The following GRIN2B variants were observed in gnomAD, a reference collection of about 807,000 sequenced individuals.
The protein encoded by GRIN2B is glutamate ionotropic receptor NMDA type subunit 2B.
Under a neutral mutation model 114.5 loss-of-function variants are expected in GRIN2B, and 5 were observed. The observed-to-expected ratio is 0.04, with a 90% CI of 0.02 to 0.09. GRIN2B has a LOEUF of 0.09. GRIN2B is among the 10% of genes least tolerant of loss of function. The pLI, the probability that GRIN2B is intolerant of heterozygous loss-of-function variation, is 1.00. For synonymous variants in GRIN2B, 787 were observed against 745.1 expected, an observed-to-expected ratio of 1.06 and a Z score of -0.92; for missense variants, 1,108 against 1,943.5, an observed-to-expected ratio of 0.57 and a Z score of 8.08.
chr12:13,647,951 G>T (rs1232296576), intron 5 of GRIN2B, among the ~76,000 whole-genome samples: 2 of 152,094 alleles, frequency 1.3e-5, no homozygotes, highest in Non-Finnish European at 2.9e-5. Flanking sequence ...AGCTTGACGA[G>T]TCAGAGAGCA....
intron 10 of GRIN2B, among the ~76,000 whole-genome samples, chr12:13,575,509 A>T (rs1948762634): frequency 6.6e-6 from 1 of 151,978 alleles, no homozygotes; most frequent in African/African-American, 2.4e-5. Flanking sequence ...AAATATAAAA[A>T]TTAGCCGTGC....
rs1948363541 is a variant in GRIN2B at position 13,547,957 on chromosome 12, G to GTGTGTGTGTA, written c.*14825_*14826insTACACACACA. 1 of 74,498 alleles carries GTGTGTGTGTA rather than the reference G, an allele frequency of 1.3e-5. No homozygotes were observed. The highest frequency in any genetic ancestry group is 5.3e-3 in the Middle Eastern group (1 of 190). The allele number at this position is 74,498 out of a possible 1,614,324, so 4.6% of individuals were successfully genotyped here. A position where few individuals can be genotyped will look rare whatever the true frequency, so the allele number is the denominator to read the frequency against. ...TATATGTATGTATGTATGTATGTGT[G>GTGTGTGTGTA]TGTATATATATATATATATATATAT... On this transcript the variant is annotated 3_prime_UTR_variant, in exon 14 of 14. Coordinates refer to ENST00000609686, the MANE Select transcript of GRIN2B (RefSeq NM_000834.5).
chr12:13,623,082 C>A (rs781733342), intron 5 of GRIN2B, among the ~76,000 whole-genome samples: 2 of 152,156 alleles, frequency 1.3e-5, no homozygotes, highest in African/African-American at 4.8e-5. Context: ...GGTATGTATG[C>A]GTGTTTCCTA....
At chr12:13,852,501 C>T (rs571006189) in intron 3 of GRIN2B, among the ~76,000 whole-genome samples, 1 of 152,168 alleles carries the variant, frequency 6.6e-6, no homozygotes, top group South Asian at 2.1e-4. Context: ...GCATAATACA[C>T]CTATCAAAAG....
intron 8 of GRIN2B, among the ~76,000 whole-genome samples, chr12:13,613,708 C>T (rs1283286657): frequency 6.6e-6 from 1 of 152,056 alleles, no homozygotes; most frequent in Non-Finnish European, 1.5e-5. Context: ...ATTCAGTTTC[C>T]TAAGCTATAA....
intron 4 of GRIN2B, among the ~76,000 whole-genome samples, chr12:13,703,632 TC>T (rs1353996197): frequency 6.6e-6 from 1 of 152,216 alleles, no homozygotes; most frequent in East Asian, 1.9e-4. Context: ...AAATTCATAA[TC>T]TTTCATTGAA....
chr12:13,601,944 A>T (rs1949166788), intron 10 of GRIN2B, among the ~76,000 whole-genome samples: 1 of 152,142 alleles, frequency 6.6e-6, no homozygotes, highest in African/African-American at 2.4e-5. Context: ...ATTCTTAAAT[A>T]ATGCCAGATA....
At chr12:13,644,110 AC>A (rs1237595011) in intron 5 of GRIN2B, among the ~76,000 whole-genome samples, 1 of 152,184 alleles carries the variant, frequency 6.6e-6, no homozygotes, top group Non-Finnish European at 1.5e-5. Flanking sequence ...TACTTTGCCT[AC>A]ATCCATCAGA....
intron 3 of GRIN2B, among the ~76,000 whole-genome samples, chr12:13,813,159 C>G (rs955531201): frequency 1.3e-5 from 2 of 151,896 alleles, no homozygotes; most frequent in African/African-American, 4.8e-5. Flanking sequence ...AGGCTGGTCT[C>G]GAACTCCTGA....
At chr12:13,649,987 G>C (rs1382763661) in intron 5 of GRIN2B, among the ~76,000 whole-genome samples, 1 of 152,020 alleles carries the variant, frequency 6.6e-6, no homozygotes, top group Non-Finnish European at 1.5e-5. Context: ...AGAAGCTTCG[G>C]AGGTGTTCAC....
intron 3 of GRIN2B, among the ~76,000 whole-genome samples, chr12:13,774,727 A>G (rs1863971113): frequency 6.6e-6 from 1 of 152,178 alleles, no homozygotes; most frequent in African/African-American, 2.4e-5. Context: ...AACGCATAAC[A>G]TGCGTTCAAT....
chr12:13,934,293 C>G (rs928994208), intron 2 of GRIN2B, among the ~76,000 whole-genome samples: 1 of 152,208 alleles, frequency 6.6e-6, no homozygotes, highest in Non-Finnish European at 1.5e-5. Context: ...TACACAATAA[C>G]TAAATTTCCA....
intron 5 of GRIN2B, among the ~76,000 whole-genome samples, chr12:13,617,057 C>A (rs1323025819): frequency 6.6e-6 from 1 of 152,084 alleles, no homozygotes; most frequent in African/African-American, 2.4e-5. Context: ...TGTGTGGCTG[C>A]CAGTTTTTTC....
At chr12:13,956,551 T>C (rs992896082) in intron 2 of GRIN2B, among the ~76,000 whole-genome samples, 1 of 152,160 alleles carries the variant, frequency 6.6e-6, no homozygotes, top group Non-Finnish European at 1.5e-5. Context: ...ACAAGCGCCT[T>C]TTTCTCCAAG....
rs539307723 is a variant in GRIN2B, at chr12:13,762,684, C to T, written c.412-8769G>A. Among the ~76,000 whole-genome samples the T allele has an allele frequency of 2.0e-5, 3 of 152,278 alleles. No homozygotes were observed. The East Asian group carries it at 5.8e-4, about 29-fold the overall frequency. ...ACTGGTTCTAGATACAGTGATCTTGCTTGTACACATGGGCCTCTTCAAGGG... is the reference window on the plus strand; with the variant it reads ...ACTGGTTCTAGATACAGTGATCTTGTTTGTACACATGGGCCTCTTCAAGGG... On this transcript the variant is annotated intron_variant, in intron 3 of 13. Coordinates refer to ENST00000609686, the MANE Select transcript of GRIN2B (RefSeq NM_000834.5).
chr12:13,577,981 T>A (rs898647719), intron 10 of GRIN2B, among the ~76,000 whole-genome samples: 1 of 152,284 alleles, frequency 6.6e-6, no homozygotes. Flanking sequence ...AGGAGATGCC[T>A]GTGCTGAAGA....
intron 4 of GRIN2B, among the ~76,000 whole-genome samples, chr12:13,685,126 G>A (rs563512291): frequency 1.2e-4 from 19 of 152,314 alleles, no homozygotes; most frequent in African/African-American, 3.8e-4. Flanking sequence ...AAAAGAATAA[G>A]AAGGCTTTTC....
intron 2 of GRIN2B, among the ~76,000 whole-genome samples, chr12:13,932,960 TGTGTGTGTGTGTGTGTGTGTGTGTGTGC>T (rs1346314995): frequency 3.0e-5 from 4 of 132,926 alleles, no homozygotes; most frequent in Non-Finnish European, 6.4e-5. Context: ...GTCGTGTGTG[TGTGTGTGTGTGTGTGTGTGTGTGTGTGC>T]GTGTGCGTGT....
intron 3 of GRIN2B, among the ~76,000 whole-genome samples, chr12:13,760,258 T>C (rs576895780): frequency 3.0e-4 from 45 of 152,180 alleles, no homozygotes; most frequent in Non-Finnish European, 5.3e-4. Flanking sequence ...TCGGCATGTG[T>C]TTGTTCATTG....
Sources: gnomAD v4.1 joint callset for allele counts (sites outside exome capture counted in the v4.1 genomes callset) on GRCh38, gnomAD v4.1.1 for gene constraint, MANE v1.5 for transcripts, NCBI Gene and HGNC (gene_info 2026-07-23, HGNC 2026-07-21) for gene names.